Variants in CLDN18 observed in about 807,000 individuals in gnomAD.
CLDN18 encodes claudin 18, also known as claudin-18.
In CLDN18, 20 loss-of-function variants were observed where a neutral mutation model predicts 25.0. The ratio of observed to expected loss-of-function variants is 0.80; its 90% CI spans 0.56 to 1.16. The LOEUF (loss-of-function observed/expected upper bound fraction) is 1.16. CLDN18 is among the 50% of genes most tolerant of loss of function. The pLI, the probability that CLDN18 is intolerant of heterozygous loss-of-function variation, is 0.00. For synonymous variants in CLDN18, 125 were observed against 135.6 expected, an observed-to-expected ratio of 0.92 and a Z score of 0.54; for missense variants, 297 against 345.4, an observed-to-expected ratio of 0.86 and a Z score of 1.11.
At chr3:138,001,512 G>A (rs901115906) in intron 1 of CLDN18, among the ~76,000 whole-genome samples, 6 of 151,790 alleles carry the variant, frequency 4.0e-5, no homozygotes, top group South Asian at 2.1e-4. Context: ...GTGAGCCACC[G>A]CGCCCGGCAA....
At chr3:138,009,241 C>T (rs945625044), upstream of CLDN18, among the ~76,000 whole-genome samples, 3 of 152,178 alleles carry the variant, frequency 2.0e-5, no homozygotes, top group Non-Finnish European at 4.4e-5. Context: ...GCCCAGCACA[C>T]GACAAGTTAG....
chr3:138,026,741 A>C (rs1430554896), intron 3 of CLDN18, among the ~76,000 whole-genome samples: 2 of 152,198 alleles, frequency 1.3e-5, no homozygotes, highest in Non-Finnish European at 2.9e-5. Context: ...TCTTTAAGAA[A>C]AGGGAGATGG....
rs772982623 is a variant in CLDN18, at chr3:138,030,930, A to G, written c.615-40A>G. The G allele has an allele frequency of 1.9e-6, 3 of 1,577,116 alleles. No individual in the cohort carries two copies. The East Asian group carries it at 6.8e-5, about 36-fold the overall frequency. On this transcript the variant is annotated intron_variant, in intron 4 of 4. Coordinates refer to ENST00000183605, the MANE Select transcript of CLDN18 (RefSeq NM_016369.4). ...TAAATAGGAGGTTGGTCCTACTAAC[A>G]AAGACATCTACAATCATGGAATGTT... is the stretch of plus-strand genomic sequence containing the variant.
At chr3:137,999,656 G>T (rs1215175884) in intron 1 of CLDN18, among the ~76,000 whole-genome samples, 1 of 152,220 alleles carries the variant, frequency 6.6e-6, no homozygotes, top group Non-Finnish European at 1.5e-5. Context: ...CCGATCTCCA[G>T]AAAATATTGG....
At chr3:138,024,764 A>G (rs1312619089) in intron 3 of CLDN18, 40 bp downstream of exon 3, 2 of 1,171,386 alleles carry the variant, frequency 1.7e-6, no homozygotes, top group Admixed American at 1.8e-5. Context: ...ACCATGATGA[A>G]TATTGTTATA....
At chr3:138,021,234 C>A (rs557945976) in intron 1 of CLDN18, among the ~76,000 whole-genome samples, 34 of 152,184 alleles carry the variant, frequency 2.2e-4, no homozygotes, top group Non-Finnish European at 4.3e-4. Flanking sequence ...AGGCAGATTC[C>A]CTCAGTATCT....
At chr3:138,015,135 C>G (rs1942188698) in intron 1 of CLDN18, among the ~76,000 whole-genome samples, 1 of 151,528 alleles carries the variant, frequency 6.6e-6, no homozygotes, top group South Asian at 2.1e-4. Flanking sequence ...CCATCCATCT[C>G]TAAAAATAAA....
At chr3:138,026,656 C>CA (rs989584013) in intron 3 of CLDN18, among the ~76,000 whole-genome samples, 8 of 151,244 alleles carry the variant, frequency 5.3e-5, no homozygotes, top group South Asian at 2.1e-4. Context: ...AAAAAACAAA[C>CA]AAAAAAAAAT....
chr3:138,001,539 T>C (rs901466713), intron 1 of CLDN18, among the ~76,000 whole-genome samples: 1 of 152,118 alleles, frequency 6.6e-6, no homozygotes, highest in Non-Finnish European at 1.5e-5. Flanking sequence ...CCCATTCTTA[T>C]GCTGGAGAGA....
rs1942417278 is a variant in CLDN18, at chr3:138,033,182, G to A, written c.*2041G>A. On this transcript the variant is annotated 3_prime_UTR_variant, in exon 5 of 5. Coordinates refer to ENST00000183605, the MANE Select transcript of CLDN18 (RefSeq NM_016369.4). ...AATAACAAGTTGTGTTCAAGAGTCAGAGCAGTGAGCTCAGAGGCCCTTCTC... is the reference window on the plus strand; with the variant it reads ...AATAACAAGTTGTGTTCAAGAGTCAAAGCAGTGAGCTCAGAGGCCCTTCTC... 6.6e-6 allele frequency: 1 copy of A among 152,228 alleles called. No homozygotes were observed. The highest frequency in any genetic ancestry group is 2.4e-5 in the African/African-American group (1 of 41,460). 9.4% of individuals were successfully genotyped at this position (152,228 alleles called of 1,614,324 possible). A position where few individuals can be genotyped will look rare whatever the true frequency, so the allele number is the denominator to read the frequency against.
In CLDN18 at chr3:138,031,106, G is replaced by T. The variant is rs775385710; in HGVS notation, c.751G>T (p.Val251Leu). 6.2e-7 allele frequency: 1 copy of T among 1,613,944 alleles called. No individual in the cohort carries two copies. Among genetic ancestry groups the T allele is most frequent in the South Asian group, 1.1e-5 (1 of 91,056 alleles). ...TGGAGGTGCCCGCACAGAGGACGAG[G>T]TACAATCTTATCCTTCCAAGCACGA... ...YDGGARTEDE[V>L]QSYPSKHDYV Residue 251 changes from valine to leucine, a missense_variant, in exon 5 of 5, where the codon GTA (valine) becomes TTA (leucine). By Grantham distance (32) the Val-to-Leu change is conservative. Transcript: ENST00000183605.
chr3:138,026,648 A>C (rs1243079434), intron 3 of CLDN18, among the ~76,000 whole-genome samples: 1 of 152,170 alleles, frequency 6.6e-6, no homozygotes, highest in Admixed American at 6.5e-5. Context: ...CCATCTCAAA[A>C]AAACAAACAA....
intron 1 of CLDN18, among the ~76,000 whole-genome samples, chr3:138,016,654 T>G (rs1188538770): frequency 2.6e-5 from 4 of 152,156 alleles, no homozygotes; most frequent in Non-Finnish European, 5.9e-5. Context: ...GTGGTAAGCC[T>G]TACAGTTAGA....
At chr3:138,020,396 C>T (rs1366129369) in intron 1 of CLDN18, among the ~76,000 whole-genome samples, 1 of 152,232 alleles carries the variant, frequency 6.6e-6, no homozygotes, top group African/African-American at 2.4e-5. Flanking sequence ...AATAGGTGGA[C>T]ACTGTCATTC....
intron 1 of CLDN18, among the ~76,000 whole-genome samples, chr3:138,016,642 A>C (rs1942207453): frequency 6.6e-6 from 1 of 152,142 alleles, no homozygotes; most frequent in African/African-American, 2.4e-5. Flanking sequence ...AAATTTGGTA[A>C]AGTGGTAAGC....
chr3:138,021,369 T>G (rs992842012), intron 1 of CLDN18, among the ~76,000 whole-genome samples: 1 of 152,220 alleles, frequency 6.6e-6, no homozygotes. Flanking sequence ...CTCCTTTGAA[T>G]GTACCCCACA....
At chr3:138,010,056 T>C (rs1178297560), upstream of CLDN18, 1 of 1,152,142 alleles carries the variant, frequency 8.7e-7, no homozygotes, top group Non-Finnish European at 1.2e-6. Context: ...ATAATGCCCT[T>C]GAACCAGGAG....
chr3:138,021,305 T>A (rs1942267778), intron 1 of CLDN18, among the ~76,000 whole-genome samples: 1 of 152,152 alleles, frequency 6.6e-6, no homozygotes, highest in Non-Finnish European at 1.5e-5. Flanking sequence ...CATTCCCAAA[T>A]TTTAATTTTG....
At chr3:138,018,382 G>A (rs1365370556) in intron 1 of CLDN18, among the ~76,000 whole-genome samples, 1 of 146,658 alleles carries the variant, frequency 6.8e-6, no homozygotes, top group African/African-American at 2.5e-5. Context: ...TGTCGCCCAG[G>A]CTGGAGTGCA....
Sources: gnomAD v4.1 joint callset for allele counts (sites outside exome capture counted in the v4.1 genomes callset) on GRCh38, gnomAD v4.1.1 for gene constraint, MANE v1.5 for transcripts, NCBI Gene and HGNC (gene_info 2026-07-23, HGNC 2026-07-21) for gene names.